SGCZ: variants seen among roughly 807,000 people sequenced by gnomAD.
SGCZ encodes the protein sarcoglycan zeta, also known as zeta-sarcoglycan.
Under a neutral mutation model 41.3 loss-of-function variants are expected in SGCZ, and 40 were observed. That is an observed-to-expected ratio of 0.97 (90% CI 0.75 to 1.26). The LOEUF (loss-of-function observed/expected upper bound fraction) is 1.26, where lower values mean the gene tolerates loss of function less well. Ranked by LOEUF, SGCZ falls within the 50% of genes most tolerant of loss-of-function variation. The probability of loss-of-function intolerance (pLI) is 0.00; values close to 1 mark genes in which losing one functional copy is unlikely to be tolerated. For synonymous variants in SGCZ, 206 were observed against 137.5 expected, an observed-to-expected ratio of 1.50 and a Z score of -3.49; for missense variants, 552 against 369.8, an observed-to-expected ratio of 1.49 and a Z score of -4.04.
intron 4 of SGCZ, among the ~76,000 whole-genome samples, chr8:14,203,163 CCA>C (rs1248105565): frequency 6.6e-6 from 1 of 152,056 alleles, no homozygotes; most frequent in African/African-American, 2.4e-5. Context: ...TTGCCCAGTC[CCA>C]GATATGTTTT....
At chr8:14,651,886 C>G (rs989831083) in intron 1 of SGCZ, among the ~76,000 whole-genome samples, 7 of 151,580 alleles carry the variant, frequency 4.6e-5, no homozygotes, top group African/African-American at 1.7e-4. Flanking sequence ...AATTGAGAGT[C>G]AGCATATTGT....
At chr8:14,205,944 C>G (rs955310158) in intron 4 of SGCZ, among the ~76,000 whole-genome samples, 1 of 151,900 alleles carries the variant, frequency 6.6e-6, no homozygotes, top group African/African-American at 2.4e-5. Context: ...AGAAATAATT[C>G]GAGTTCATAT....
chr8:14,719,851 G>T (rs1024475529), intron 1 of SGCZ, among the ~76,000 whole-genome samples: 251 of 151,984 alleles, frequency 1.7e-3, no homozygotes, highest in African/African-American at 5.6e-3. Context: ...AGAAGCTCTT[G>T]AGTTTAATGA....
intron 1 of SGCZ, among the ~76,000 whole-genome samples, chr8:15,096,006 G>A (rs1377808329): frequency 1.3e-4 from 20 of 152,086 alleles, no homozygotes; most frequent in Non-Finnish European, 1.5e-5. Flanking sequence ...CAACAAAAAT[G>A]TCCCCAAGAT....
chr8:14,528,834 A>AT (rs551515041), intron 2 of SGCZ, among the ~76,000 whole-genome samples: 1 of 106,358 alleles, frequency 9.4e-6, no homozygotes, highest in Non-Finnish European at 1.8e-5. Context: ...AGCCAAAAAA[A>AT]AAACAAAACA....
At chr8:14,366,916 C>A (rs575223653) in intron 2 of SGCZ, among the ~76,000 whole-genome samples, 2 of 152,152 alleles carry the variant, frequency 1.3e-5, no homozygotes, top group Non-Finnish European at 2.9e-5. Flanking sequence ...ACCCTGGAGA[C>A]ATTTTCCCCA....
At chr8:14,601,179 C>T (rs1010405672) in intron 1 of SGCZ, among the ~76,000 whole-genome samples, 1 of 151,854 alleles carries the variant, frequency 6.6e-6, no homozygotes, top group African/African-American at 2.4e-5. Context: ...TTACATGCAG[C>T]TATAATTTAT....
chr8:14,630,772 C>T (rs1026509251), intron 1 of SGCZ, among the ~76,000 whole-genome samples: 6 of 149,738 alleles, frequency 4.0e-5, no homozygotes, highest in Non-Finnish European at 2.9e-5. Flanking sequence ...GTCACAAGGA[C>T]GGAAAACCAA....
intron 2 of SGCZ, among the ~76,000 whole-genome samples, chr8:14,507,789 G>A (rs866871385): frequency 3.7e-5 from 4 of 108,610 alleles, no homozygotes; most frequent in East Asian, 6.2e-4. Context: ...TTTTTTTTTC[G>A]AGATGGAGTT....
intron 3 of SGCZ, among the ~76,000 whole-genome samples, chr8:14,242,121 C>G (rs1371437923): frequency 6.6e-6 from 1 of 151,990 alleles, no homozygotes. Context: ...AGAATATTAA[C>G]AGGAACAGGC....
At chr8:14,601,638 C>T (rs899293430) in intron 1 of SGCZ, among the ~76,000 whole-genome samples, 10 of 152,186 alleles carry the variant, frequency 6.6e-5, no homozygotes, top group Admixed American at 5.2e-4. Context: ...GTACACAATC[C>T]TCACTGGGAT....
intron 1 of SGCZ, among the ~76,000 whole-genome samples, chr8:14,798,111 C>T (rs1801198533): frequency 6.6e-6 from 1 of 152,208 alleles, no homozygotes. Context: ...CAAATAAATA[C>T]TATCCCTGTT....
intron 2 of SGCZ, among the ~76,000 whole-genome samples, chr8:14,485,179 T>C (rs900957922): frequency 6.6e-6 from 1 of 152,166 alleles, no homozygotes; most frequent in East Asian, 1.9e-4. Context: ...TACATGATGA[T>C]CCAACTAAAA....
chr8:15,031,999 C>T (rs1030429044), intron 1 of SGCZ, among the ~76,000 whole-genome samples: 2 of 151,356 alleles, frequency 1.3e-5, no homozygotes, highest in African/African-American at 4.8e-5. Flanking sequence ...CACCAAATGT[C>T]GGACAGAAAA....
intron 2 of SGCZ, among the ~76,000 whole-genome samples, chr8:14,463,640 CTG>C (rs1800965860): frequency 2.0e-5 from 3 of 151,560 alleles, no homozygotes; most frequent in Non-Finnish European, 3.0e-5. Flanking sequence ...CACAGACAAA[CTG>C]TATTTTGTGA....
chr8:14,812,929 A>G (rs1360849922), intron 1 of SGCZ, among the ~76,000 whole-genome samples: 3 of 152,198 alleles, frequency 2.0e-5, no homozygotes, highest in African/African-American at 7.2e-5. Flanking sequence ...ATGTTCCTGA[A>G]TAATATGCCA....
At chr8:15,024,581 G>T (rs1803376313) in intron 1 of SGCZ, among the ~76,000 whole-genome samples, 1 of 152,142 alleles carries the variant, frequency 6.6e-6, no homozygotes, top group Non-Finnish European at 1.5e-5. Context: ...GCAGATAAAA[G>T]AAAAAGTAGA....
intron 1 of SGCZ, among the ~76,000 whole-genome samples, chr8:15,177,446 T>C (rs1338666755): frequency 6.6e-6 from 1 of 152,224 alleles, no homozygotes; most frequent in Non-Finnish European, 1.5e-5. Flanking sequence ...GAATTAGTGC[T>C]ATTCTATCTG....
chr8:14,936,166 G>A (rs550522097), intron 1 of SGCZ, among the ~76,000 whole-genome samples: 1 of 151,940 alleles, frequency 6.6e-6, no homozygotes, highest in Non-Finnish European at 1.5e-5. Context: ...AGGCGGAAAG[G>A]TATCCAATAA....
Sources: allele counts gnomAD v4.1 joint callset (sites outside exome capture counted in the v4.1 genomes callset), GRCh38; gene constraint gnomAD v4.1.1; transcripts MANE v1.5; gene names NCBI Gene and HGNC (gene_info 2026-07-23, HGNC 2026-07-21).